The following MCPH1 variants were observed in gnomAD, a reference collection of about 807,000 sequenced individuals.
MCPH1 encodes the protein microcephalin 1.
MCPH1 carries 104 observed loss-of-function variants against 84.5 expected under a neutral mutation model. The observed-to-expected ratio is 1.23, with a 90% CI of 1.05 to 1.45. MCPH1 has a LOEUF of 1.45. MCPH1 is among the 40% of genes most tolerant of loss of function. The probability of loss-of-function intolerance (pLI) is 0.00; values close to 1 mark genes in which losing one functional copy is unlikely to be tolerated. For synonymous variants in MCPH1, 514 were observed against 366.8 expected (o/e 1.40, Z -4.58); for missense variants, 1,498 against 1,005.7 (o/e 1.49, Z -6.62).
intron 4 of MCPH1, among the ~76,000 whole-genome samples, chr8:6,435,209 T>C (rs952965387): frequency 9.2e-5 from 14 of 152,264 alleles, no homozygotes; most frequent in African/African-American, 3.1e-4. Flanking sequence ...AATTATAAAA[T>C]AGAAATTGTT....
intron 12 of MCPH1, among the ~76,000 whole-genome samples, chr8:6,517,422 A>T (rs1006009444): frequency 6.6e-6 from 1 of 152,258 alleles, no homozygotes; most frequent in African/African-American, 2.4e-5. Flanking sequence ...ATGACCATAC[A>T]TGCTTTTGAT....
intron 8 of MCPH1, among the ~76,000 whole-genome samples, chr8:6,452,771 G>A (rs527836500): frequency 1.6e-4 from 24 of 152,188 alleles, no homozygotes; most frequent in African/African-American, 2.4e-4. Context: ...ACCGGAACCC[G>A]ACCATGGGGG....
intron 11 of MCPH1, among the ~76,000 whole-genome samples, chr8:6,490,701 C>A (rs910950331): frequency 6.6e-6 from 1 of 152,100 alleles, no homozygotes; most frequent in South Asian, 2.1e-4. Flanking sequence ...AATAGGAATT[C>A]CAAATGAAAT....
intron 3 of MCPH1, among the ~76,000 whole-genome samples, chr8:6,423,407 C>T (rs942688346): frequency 5.9e-5 from 9 of 151,874 alleles, no homozygotes; most frequent in East Asian, 1.9e-4. Context: ...TCTTGTGATC[C>T]GCCCGCCTCG....
chr8:6,496,938 C>T (rs1382566650), intron 11 of MCPH1, among the ~76,000 whole-genome samples: 5 of 151,992 alleles, frequency 3.3e-5, no homozygotes, highest in African/African-American at 1.2e-4. Context: ...TATTGTTTTC[C>T]CTCTTTAAAT....
intron 12 of MCPH1, among the ~76,000 whole-genome samples, chr8:6,588,967 T>A (rs1335165137): frequency 6.6e-6 from 1 of 152,238 alleles, no homozygotes; most frequent in Non-Finnish European, 1.5e-5. Context: ...AGGCAGAAAT[T>A]GCAGCACAGA....
At chr8:6,599,734 T>G (rs1480205718) in intron 12 of MCPH1, among the ~76,000 whole-genome samples, 2 of 152,240 alleles carry the variant, frequency 1.3e-5, no homozygotes, top group African/African-American at 4.8e-5. Context: ...TTTGTTTTTT[T>G]GAAAGTAGTG....
rs530028238 is a variant in MCPH1 at position 6,644,779 on chromosome 8, T to G, written c.*1730T>G. ...TCAGCTGTTGTTCCTACCTCAAATT[T>G]CAAGTCCCTCAACAAATATAACAGA... On this transcript the variant is annotated 3_prime_UTR_variant, in exon 14 of 14. Coordinates refer to ENST00000344683, the MANE Select transcript of MCPH1 (RefSeq NM_024596.5). 1 of 152,220 alleles carries G rather than the reference T, an allele frequency of 6.6e-6. No individual in the cohort carries two copies. The highest frequency in any genetic ancestry group is 1.5e-5 in the Non-Finnish European group (1 of 68,018). The allele number at this position is 152,220 out of a possible 1,614,324, so 9.4% of individuals were successfully genotyped here.
At chr8:6,439,446 A>G (rs1235651169) in intron 6 of MCPH1, among the ~76,000 whole-genome samples, 1 of 147,656 alleles carries the variant, frequency 6.8e-6, no homozygotes, top group Non-Finnish European at 1.5e-5. Flanking sequence ...GCTGGAGTGC[A>G]GTGGCGCGAT....
chr8:6,641,269 A>G (rs1797917317), intron 13 of MCPH1, among the ~76,000 whole-genome samples: 2 of 152,226 alleles, frequency 1.3e-5, no homozygotes, highest in African/African-American at 4.8e-5. Flanking sequence ...GTAAAAATTG[A>G]ATCCATAGAG....
intron 10 of MCPH1, among the ~76,000 whole-genome samples, chr8:6,478,598 C>CTGG (rs1563263919): frequency 6.6e-6 from 1 of 152,010 alleles, no homozygotes; most frequent in East Asian, 1.9e-4. Context: ...AGAATAAGAC[C>CTGG]TGGACATTCT....
At chr8:6,548,846 T>A (rs1181685842) in intron 12 of MCPH1, among the ~76,000 whole-genome samples, 1 of 152,216 alleles carries the variant, frequency 6.6e-6, no homozygotes, top group Middle Eastern at 3.2e-3. Context: ...GTCCTTCCTT[T>A]TATTCCCACC....
intron 12 of MCPH1, among the ~76,000 whole-genome samples, chr8:6,613,909 T>A (rs1432520030): frequency 6.6e-6 from 1 of 152,112 alleles, no homozygotes; most frequent in African/African-American, 2.4e-5. Context: ...GACTTCCCCA[T>A]CTGAAGACCT....
At chr8:6,437,629 C>G (rs1284208638) in intron 5 of MCPH1, among the ~76,000 whole-genome samples, 1 of 152,194 alleles carries the variant, frequency 6.6e-6, no homozygotes, top group Non-Finnish European at 1.5e-5. Context: ...TGGCCTGCAT[C>G]ATTTGTTTCA....
intron 12 of MCPH1, among the ~76,000 whole-genome samples, chr8:6,578,059 T>C (rs1455602116): frequency 6.6e-6 from 1 of 152,204 alleles, no homozygotes; most frequent in Non-Finnish European, 1.5e-5. Context: ...CTCACTCCCC[T>C]GCTCAGTAGA....
At chr8:6,626,883 C>G (rs569186351) in intron 13 of MCPH1, 2 of 984,986 alleles carry the variant, frequency 2.0e-6, no homozygotes, top group South Asian at 4.7e-5. Context: ...AGGCGTATTT[C>G]CACTCTCAGG....
At chr8:6,532,525 A>C (rs2129571850) in intron 12 of MCPH1, 1 of 1,509,908 alleles carries the variant, frequency 6.6e-7, no homozygotes, top group Non-Finnish European at 8.9e-7. Context: ...TCATTAGTCA[A>C]ATGACCGGAA....
intron 3 of MCPH1, among the ~76,000 whole-genome samples, chr8:6,416,560 A>G (rs1000463162): frequency 6.6e-6 from 1 of 152,200 alleles, no homozygotes; most frequent in Non-Finnish European, 1.5e-5. Flanking sequence ...GTTTTTCTGC[A>G]TGACTGATCA....
rs1454166781 is a variant in MCPH1, at chr8:6,645,732, T to C, written c.*2683T>C. On this transcript the variant is annotated 3_prime_UTR_variant, in exon 14 of 14. Coordinates refer to ENST00000344683, the MANE Select transcript of MCPH1 (RefSeq NM_024596.5). ...AACAGAATTGTATTTATATATACTGTCAATAAGCAATTCAAAATGAAATTA... is the reference window on the plus strand; with the variant it reads ...AACAGAATTGTATTTATATATACTGCCAATAAGCAATTCAAAATGAAATTA... 6.6e-6 allele frequency: 1 copy of C among 151,912 alleles called. No homozygotes were observed. The highest frequency in any genetic ancestry group is 2.4e-5 in the African/African-American group (1 of 41,370). 9.4% of individuals were successfully genotyped at this position (151,912 alleles called of 1,614,324 possible).
Sources: allele counts gnomAD v4.1 joint callset (sites outside exome capture counted in the v4.1 genomes callset), GRCh38; gene constraint gnomAD v4.1.1; transcripts MANE v1.5; gene names NCBI Gene and HGNC (gene_info 2026-07-23, HGNC 2026-07-21).